PPM1H: variants seen among roughly 807,000 people sequenced by gnomAD.
PPM1H encodes protein phosphatase 1H.
Under a neutral mutation model 54.9 loss-of-function variants are expected in PPM1H, and 27 were observed. The ratio of observed to expected loss-of-function variants is 0.49; its 90% CI spans 0.36 to 0.68. PPM1H has a LOEUF of 0.68. Among genes scored for constraint, PPM1H ranks in the 30% least tolerant of loss-of-function variants. PPM1H has a pLI of 0.00. For synonymous variants in PPM1H, 305 were observed against 270.8 expected (o/e 1.13, Z -1.24); for missense variants, 596 against 667.8 (o/e 0.89, Z 1.19).
At chr12:62,903,705 C>T (rs2121121879) in intron 1 of PPM1H, among the ~76,000 whole-genome samples, 1 of 151,806 alleles carries the variant, frequency 6.6e-6, no homozygotes, top group South Asian at 2.1e-4. Context: ...ACTAAGTAAC[C>T]AGTACTGTGT....
At chr12:62,654,861 G>C (rs1192553639) in intron 9 of PPM1H, among the ~76,000 whole-genome samples, 1 of 152,140 alleles carries the variant, frequency 6.6e-6, no homozygotes, top group Non-Finnish European at 1.5e-5. Context: ...GAAGCGTAAG[G>C]ACAGCCCCGC....
intron 1 of PPM1H, among the ~76,000 whole-genome samples, chr12:62,835,486 C>A (rs1309095578): frequency 6.6e-6 from 1 of 152,224 alleles, no homozygotes; most frequent in Non-Finnish European, 1.5e-5. Context: ...GTCTGTCCTG[C>A]AATGACTCAA....
chr12:62,779,598 GGAGT>G (rs1451907658), intron 4 of PPM1H, among the ~76,000 whole-genome samples: 4 of 152,170 alleles, frequency 2.6e-5, no homozygotes, highest in Admixed American at 6.5e-5. Context: ...CCTCACCTGA[GGAGT>G]GAGTACTATC....
rs574759445 is a variant in PPM1H, at chr12:62,934,367, C to G, written c.245+125G>C. On this transcript the variant is annotated intron_variant, in intron 1 of 9. Transcript: ENST00000228705. The surrounding 1 kb of genome is among the most constrained non-coding windows in gnomAD (Gnocchi z 4.2). ...CCAGTGTAAGTAAAGAGCTCCCCGCCGAGGCCTGGACGCCGGCAGCTAGTG... is the reference window on the plus strand; with the variant it reads ...CCAGTGTAAGTAAAGAGCTCCCCGCGGAGGCCTGGACGCCGGCAGCTAGTG... 1.7e-4 allele frequency: 226 copies of G among 1,301,660 alleles called. 1 individual carries two copies. In the South Asian group the frequency reaches 3.5e-3, roughly 20 times the overall value. The allele number at this position is 1,301,660 out of a possible 1,614,324, so 80.6% of individuals were successfully genotyped here.
intron 1 of PPM1H, among the ~76,000 whole-genome samples, chr12:62,875,203 T>C (rs568967893): frequency 6.6e-6 from 1 of 152,310 alleles, no homozygotes; most frequent in South Asian, 2.1e-4. Context: ...AAAGCTTAGG[T>C]TGGAAGTTCT....
chr12:62,778,864 G>C (rs575062321), intron 4 of PPM1H, among the ~76,000 whole-genome samples: 1 of 152,166 alleles, frequency 6.6e-6, no homozygotes, highest in African/African-American at 2.4e-5. Context: ...CAAGGAGTTT[G>C]AGGCTGCAGT....
chr12:62,697,133 C>CTTTTTT (rs543565296), intron 6 of PPM1H, among the ~76,000 whole-genome samples: 10,477 of 146,436 alleles, frequency 0.072, 933 homozygotes, highest in East Asian at 0.21. Context: ...GGTCTGTGTT[C>CTTTTTT]TTTTTTTTTT....
intron 4 of PPM1H, among the ~76,000 whole-genome samples, chr12:62,766,637 G>C (rs1036777121): frequency 2.0e-5 from 3 of 152,132 alleles, no homozygotes; most frequent in African/African-American, 7.2e-5. Flanking sequence ...AGTCCTCTGT[G>C]GTCCTGAAAA....
chr12:62,735,648 G>A (rs7309308), intron 5 of PPM1H, among the ~76,000 whole-genome samples: 1 of 152,188 alleles, frequency 6.6e-6, no homozygotes, highest in African/African-American at 2.4e-5. Context: ...AGTCTGAAGA[G>A]GGGGAGAGAC....
chr12:62,900,640 G>A (rs1349947214), intron 1 of PPM1H, among the ~76,000 whole-genome samples: 1 of 151,642 alleles, frequency 6.6e-6, no homozygotes, highest in Non-Finnish European at 1.5e-5. Context: ...AACGAATGCG[G>A]GTGGAGGAGG....
At chr12:62,867,761 T>A (rs1023520538) in intron 1 of PPM1H, among the ~76,000 whole-genome samples, 1 of 151,636 alleles carries the variant, frequency 6.6e-6, no homozygotes, top group Admixed American at 6.6e-5. Context: ...TTTTTCTGTA[T>A]TTTTAGTAGA....
At chr12:62,851,207 G>A (rs572054919) in intron 1 of PPM1H, among the ~76,000 whole-genome samples, 2 of 152,278 alleles carry the variant, frequency 1.3e-5, no homozygotes, top group East Asian at 3.9e-4. Context: ...AAAAGTGTAA[G>A]GTGAGGCAGA....
At chr12:62,786,452 T>C (rs1203289791) in intron 4 of PPM1H, among the ~76,000 whole-genome samples, 2 of 152,214 alleles carry the variant, frequency 1.3e-5, no homozygotes, top group Non-Finnish European at 2.9e-5. Flanking sequence ...ACTCATCAGC[T>C]GGCTTCCTGC....
At chr12:62,836,334 T>A (rs527388844) in intron 1 of PPM1H, among the ~76,000 whole-genome samples, 1 of 152,376 alleles carries the variant, frequency 6.6e-6, no homozygotes, top group South Asian at 2.1e-4. Flanking sequence ...AAATGTTTAC[T>A]GAATGAATGA....
chr12:62,867,024 A>C (rs965355955), intron 1 of PPM1H, among the ~76,000 whole-genome samples: 1 of 152,116 alleles, frequency 6.6e-6, no homozygotes, highest in Non-Finnish European at 1.5e-5. Flanking sequence ...AAATACCTCC[A>C]GTTCCAGCCT....
In PPM1H at chr12:62,721,731, T is replaced by C. The variant is rs575112173; in HGVS notation, c.955-1442A>G. Among the ~76,000 whole-genome samples the C allele has an allele frequency of 3.3e-5, 5 of 152,354 alleles. No homozygotes were observed. In the East Asian group the frequency reaches 9.6e-4, roughly 29 times the overall value. On this transcript the variant is annotated intron_variant, in intron 5 of 9. Coordinates refer to ENST00000228705, the MANE Select transcript of PPM1H (RefSeq NM_020700.2). ...CATAAGCAATGTGGTTTTAGCAGGT[T>C]ATTTAATTTCTTGGGCCTCAGTTTA...
At chr12:62,903,647 T>C (rs527346522) in intron 1 of PPM1H, among the ~76,000 whole-genome samples, 1 of 151,668 alleles carries the variant, frequency 6.6e-6, no homozygotes, top group African/African-American at 2.4e-5. Context: ...GCAGAAAACA[T>C]AAGACACGAA....
At chr12:62,800,026 C>T (rs564715165) in intron 3 of PPM1H, among the ~76,000 whole-genome samples, 4 of 152,152 alleles carry the variant, frequency 2.6e-5, no homozygotes, top group African/African-American at 9.6e-5. Flanking sequence ...TTTTAAACCA[C>T]CTGCTAGTCA....
At chr12:62,880,930 C>G (rs1470544666) in intron 1 of PPM1H, among the ~76,000 whole-genome samples, 1 of 152,114 alleles carries the variant, frequency 6.6e-6, no homozygotes, top group Non-Finnish European at 1.5e-5. Flanking sequence ...AGCTCTTGGA[C>G]CCACGTTCGT....
Sources: allele counts gnomAD v4.1 joint callset (sites outside exome capture counted in the v4.1 genomes callset), GRCh38; gene constraint gnomAD v4.1.1; non-coding constraint Gnocchi (gnomAD v3.1); transcripts MANE v1.5; gene names NCBI Gene and HGNC (gene_info 2026-07-23, HGNC 2026-07-21).